Variants in RXRA observed in about 807,000 individuals in gnomAD.
The protein encoded by RXRA is retinoic acid receptor RXR-alpha.
Under a neutral mutation model 44.5 loss-of-function variants are expected in RXRA, and 5 were observed. That is an observed-to-expected ratio of 0.11 (90% CI 0.06 to 0.24). The LOEUF is 0.24. Among genes scored for constraint, RXRA ranks in the 10% least tolerant of loss-of-function variants. The pLI is 1.00. For missense variants in RXRA, 412 were observed against 646.5 expected (o/e 0.64, Z 3.93); for synonymous variants, 291 against 271.4 (o/e 1.07, Z -0.71).
intron 1 of RXRA, among the ~76,000 whole-genome samples, chr9:134,350,689 C>T (rs1554749339): frequency 6.6e-6 from 1 of 152,368 alleles, no homozygotes; most frequent in East Asian, 1.9e-4. Context: ...GAGAAGCCAG[C>T]CTCCCCCGCA....
In RXRA at chr9:134,431,948, G is replaced by A; in HGVS notation, c.1087G>A (p.Asp363Asn). ...LVSKMRDMQM[D>N]KTELGCLRAI... The stretch of plus-strand genomic sequence containing the variant: ...GTCCAAGATGCGGGACATGCAGATG[G>A]ACAAGACGGAGCTGGGCTGCCTGCG... Residue 363 changes from aspartate to asparagine, a missense_variant, in exon 8 of 10, where the codon GAC becomes AAC. Asp to Asn is a conservative substitution (Grantham distance 23). Coordinates refer to ENST00000481739, the MANE Select transcript of RXRA (RefSeq NM_002957.6). The A allele has an allele frequency of 1.9e-6, 3 of 1,613,994 alleles. No homozygotes were observed. Among genetic ancestry groups the A allele is most frequent in the Non-Finnish European group, 2.5e-6 (3 of 1,179,946 alleles).
At chr9:134,403,900 T>C (rs55999172) in intron 2 of RXRA, 3,224 of 152,382 alleles carry the variant, frequency 0.021, 57 homozygotes, top group Admixed American at 0.044. Context: ...GCCCGGCCGC[T>C]GTTGGCGTCG....
At chr9:134,425,251 C>T in intron 6 of RXRA, 8 of 985,344 alleles carry the variant, frequency 8.1e-6, no homozygotes, top group Non-Finnish European at 9.6e-6. Context: ...AGGGCCCCTT[C>T]CTTGGGGTGG....
intron 1 of RXRA, among the ~76,000 whole-genome samples, chr9:134,368,911 TTGTGTG>T (rs200142850): frequency 6.4e-5 from 6 of 94,412 alleles, no homozygotes; most frequent in African/African-American, 2.1e-4. Flanking sequence ...TGTGTGGGGG[TTGTGTG>T]TGTGTGTGAG....
At chr9:134,424,331 C>T in intron 6 of RXRA, 5 of 985,404 alleles carry the variant, frequency 5.1e-6, no homozygotes, top group Non-Finnish European at 6.0e-6. Context: ...GTGGCCTCTG[C>T]TCCTGCCCAG....
intron 6 of RXRA, chr9:134,425,728 A>G: frequency 1.0e-6 from 1 of 985,276 alleles, no homozygotes. Context: ...CCCAGAACAC[A>G]GGGTAAGCCA....
At chr9:134,414,077 C>G (rs566314842) in intron 4 of RXRA, among the ~76,000 whole-genome samples, 1 of 152,362 alleles carries the variant, frequency 6.6e-6, no homozygotes, top group East Asian at 1.9e-4. Context: ...ATTGTGCTGG[C>G]AAAGCATAAA....
At chr9:134,419,035 G>A (rs1453014297) in intron 5 of RXRA, among the ~76,000 whole-genome samples, 1 of 152,308 alleles carries the variant, frequency 6.6e-6, no homozygotes, top group East Asian at 1.9e-4. Context: ...CTCTGGCTGG[G>A]GGCTGGGGCT....
intron 6 of RXRA, among the ~76,000 whole-genome samples, chr9:134,427,722 C>T (rs1394429873): frequency 5.3e-5 from 8 of 152,332 alleles, no homozygotes; most frequent in Admixed American, 6.5e-5. Flanking sequence ...AGGGCCGAGC[C>T]GGAGCTGGCA....
chr9:134,332,700 GGGGATCCCAGTGTGGTGCTCAT>G (rs1316272406), intron 1 of RXRA, among the ~76,000 whole-genome samples: 1 of 152,188 alleles, frequency 6.6e-6, no homozygotes, highest in Admixed American at 6.5e-5. Context: ...CCGGAGACTG[GGGGATCCCAGTGTGGTGCTCAT>G]GGCTGGAATG....
At chr9:134,435,312 C>T (rs1831600558) in intron 9 of RXRA, among the ~76,000 whole-genome samples, 2 of 152,278 alleles carry the variant, frequency 1.3e-5, no homozygotes, top group East Asian at 3.9e-4. Context: ...CCCATAGCAC[C>T]CTGTCCTCAG....
intron 1 of RXRA, among the ~76,000 whole-genome samples, chr9:134,354,406 G>A (rs62576322): frequency 3.3e-5 from 5 of 152,228 alleles, no homozygotes; most frequent in Admixed American, 6.5e-5. Context: ...GGAGGTGGTC[G>A]GTGCGTGTGT....
In RXRA at chr9:134,372,958, C is replaced by T. The variant is rs996985343; in HGVS notation, c.29-28674C>T. Among the ~76,000 whole-genome samples the T allele has an allele frequency of 3.3e-5, 5 of 152,222 alleles. No homozygotes were observed. The East Asian group carries it at 9.6e-4, about 29-fold the overall frequency. On this transcript the variant is annotated intron_variant, in intron 1 of 9. Transcript: ENST00000481739. Reference sequence around the variant, plus strand: ...TTCCTGGTTGCAGAGCTGCGGTAGGCCAGACCCTCCTGCCTGCTGGGTGGG... The same window carrying T: ...TTCCTGGTTGCAGAGCTGCGGTAGGTCAGACCCTCCTGCCTGCTGGGTGGG...
intron 5 of RXRA, among the ~76,000 whole-genome samples, chr9:134,421,384 C>T (rs1831327957): frequency 6.6e-6 from 1 of 152,274 alleles, no homozygotes; most frequent in South Asian, 2.1e-4. Flanking sequence ...CTCATCTCTT[C>T]CTCTGACCCT....
rs748089598 is a variant in RXRA at position 134,417,228 on chromosome 9, C to T, written c.681C>T (p.Asn227=). 4.1e-5 allele frequency: 66 copies of T among 1,613,658 alleles called. No individual in the cohort carries two copies. The highest frequency in any genetic ancestry group is 4.9e-5 in the Non-Finnish European group (58 of 1,179,988). The part of the protein sequence containing the change: ...ENEVESTSSA[N]EDMPVERILE... ...AGGTGGAGTCGACCAGCAGCGCCAA[C>T]GAGGACATGCCGGTGGAGAGGATCC... Residue 227 remains asparagine (N), a synonymous_variant, in exon 5 of 10, where the codon AAC becomes AAT. Transcript: ENST00000481739. The surrounding 1 kb of genome is among the most constrained non-coding windows in gnomAD (Gnocchi z 6.1).
At chr9:134,411,552 T>A (rs186215440) in intron 4 of RXRA, among the ~76,000 whole-genome samples, 4 of 152,326 alleles carry the variant, frequency 2.6e-5, no homozygotes, top group African/African-American at 7.2e-5. Context: ...TTCTTGCCGG[T>A]CCTTCCTGCT....
chr9:134,367,175 G>A (rs1025261107), intron 1 of RXRA, among the ~76,000 whole-genome samples: 5 of 152,218 alleles, frequency 3.3e-5, no homozygotes, highest in East Asian at 3.9e-4. Context: ...AAGAAGCCCC[G>A]TGCCCGCTGG....
In RXRA at chr9:134,434,117, C is replaced by T. The variant is rs1006838045; in HGVS notation, c.1151C>T (p.Ser384Leu). 23 of 1,613,394 alleles carry T rather than the reference C, an allele frequency of 1.4e-5. No individual in the cohort carries two copies. The highest frequency in any genetic ancestry group is 1.9e-5 in the Non-Finnish European group (22 of 1,179,798). Reference sequence around the variant, plus strand: ...TTCCTTTCAGACTCCAAGGGGCTCTCGAACCCGGCCGAGGTGGAGGCGCTG... The same window carrying T: ...TTCCTTTCAGACTCCAAGGGGCTCTTGAACCCGGCCGAGGTGGAGGCGCTG... ...VLFNPDSKGL[S>L]NPAEVEALRE... is the part of the protein sequence containing the mutation. The change falls in exon 9 of 10, where the codon TCG (serine) becomes TTG (leucine). Residue 384 changes from serine (S) to leucine (L), a missense_variant. Physicochemically the swap from Ser to Leu is moderately radical, Grantham distance 145. Around this residue, in one of 4 missense-constraint regions of RXRA, gnomAD observed 141 missense variants for 270.8 expected, o/e 0.52. Transcript: ENST00000481739.
At position 134,415,529 on chromosome 9, in the gene RXRA, G is replaced by C. The variant is rs114177692; in HGVS notation, c.611-1629G>C. Among the ~76,000 whole-genome samples the C allele has an allele frequency of 2.3e-3, 353 of 152,242 alleles. 1 individual carries two copies. Among genetic ancestry groups the C allele is most frequent in the African/African-American group, 8.4e-3 (349 of 41,522 alleles). ...GTGGCTGGTGCCTGTGAGTACCCCAGGTGTTCTGCCCACCATCGAGACATC... is the reference window on the plus strand; with the variant it reads ...GTGGCTGGTGCCTGTGAGTACCCCACGTGTTCTGCCCACCATCGAGACATC... On this transcript the variant is annotated intron_variant, in intron 4 of 9. Coordinates refer to ENST00000481739, the MANE Select transcript of RXRA (RefSeq NM_002957.6).
Sources: gnomAD v4.1 joint callset for allele counts (sites outside exome capture counted in the v4.1 genomes callset) on GRCh38, gnomAD v4.1.1 for gene constraint, gnomAD v4.1.1 regional missense constraint, Gnocchi (gnomAD v3.1) non-coding constraint, MANE v1.5 for transcripts, NCBI Gene and HGNC (gene_info 2026-07-23, HGNC 2026-07-21) for gene names.